CACNB4: variants seen among roughly 807,000 people sequenced by gnomAD.
CACNB4 encodes voltage-dependent L-type calcium channel subunit beta-4.
CACNB4 carries 32 observed loss-of-function variants against 71.2 expected under a neutral mutation model. The ratio of observed to expected loss-of-function variants is 0.45; its 90% CI spans 0.34 to 0.60. The LOEUF is 0.60. Among genes scored for constraint, CACNB4 ranks in the 20% least tolerant of loss-of-function variants. CACNB4 has a pLI of 0.01. For synonymous variants in CACNB4, 231 were observed against 236.9 expected (o/e 0.97, Z 0.23); for missense variants, 464 against 647.9 (o/e 0.72, Z 3.08).
At chr2:151,926,329 T>A (rs2099860255) in intron 2 of CACNB4, among the ~76,000 whole-genome samples, 1 of 152,072 alleles carries the variant, frequency 6.6e-6, no homozygotes, top group Non-Finnish European at 1.5e-5. Flanking sequence ...ATACTGCTCA[T>A]AAGGCAAGCA....
rs1396158308 is a variant in CACNB4, at chr2:151,833,518, G to A, written c.*5601C>T. ...TATTGAAAGAGAAGAAATAAGAGGAGAAAATATGGTATGAGTGTTATCACA... is the reference window on the plus strand; with the variant it reads ...TATTGAAAGAGAAGAAATAAGAGGAAAAAATATGGTATGAGTGTTATCACA... On this transcript the variant is annotated 3_prime_UTR_variant, in exon 14 of 14. Transcript: ENST00000539935. 6.6e-6 allele frequency: 1 copy of A among 152,006 alleles called. No individual in the cohort carries two copies. The highest frequency in any genetic ancestry group is 1.5e-5 in the Non-Finnish European group (1 of 67,926). 9.4% of individuals were successfully genotyped at this position (152,006 alleles called of 1,614,324 possible). A position where few individuals can be genotyped will look rare whatever the true frequency, so the allele number is the denominator to read the frequency against.
chr2:152,074,068 G>T (rs1422302435), intron 2 of CACNB4, among the ~76,000 whole-genome samples: 1 of 152,052 alleles, frequency 6.6e-6, no homozygotes, highest in South Asian at 2.1e-4. Flanking sequence ...AAGGCAGGCA[G>T]GCAGGGGAGG....
At chr2:152,052,458 T>A (rs1685490265) in intron 2 of CACNB4, among the ~76,000 whole-genome samples, 1 of 152,074 alleles carries the variant, frequency 6.6e-6, no homozygotes, top group African/African-American at 2.4e-5. Context: ...CATTCCTGAC[T>A]AATTTTCGTA....
intron 5 of CACNB4, chr2:151,874,958 T>C (rs1578571991): frequency 2.5e-6 from 1 of 399,284 alleles, no homozygotes; most frequent in Admixed American, 4.4e-5. Flanking sequence ...AGACAAGAGA[T>C]GCCACAAAAA....
intron 2 of CACNB4, among the ~76,000 whole-genome samples, chr2:152,088,806 G>C (rs1244883414): frequency 6.6e-6 from 1 of 152,198 alleles, no homozygotes; most frequent in Non-Finnish European, 1.5e-5. Flanking sequence ...ACACGTTAAA[G>C]AAAATAGGGA....
intron 2 of CACNB4, among the ~76,000 whole-genome samples, chr2:151,910,424 T>C (rs1282075957): frequency 6.6e-6 from 1 of 152,222 alleles, no homozygotes; most frequent in African/African-American, 2.4e-5. Context: ...TCTAGGGTTT[T>C]TATGGTTTTG....
chr2:151,905,694 A>G (rs2099854628), intron 2 of CACNB4, among the ~76,000 whole-genome samples: 1 of 152,244 alleles, frequency 6.6e-6, no homozygotes, highest in Non-Finnish European at 1.5e-5. Context: ...AGAAAACATG[A>G]CATGTAAGGC....
At chr2:151,875,526 GTGGTGGC>G (rs2099845804) in intron 5 of CACNB4, among the ~76,000 whole-genome samples, 2 of 151,654 alleles carry the variant, frequency 1.3e-5, no homozygotes, top group African/African-American at 4.9e-5. Context: ...CCCAGACGGG[GTGGTGGC>G]CGGGCAGAGG....
At chr2:151,857,195 A>G (rs986121579) in intron 10 of CACNB4, 4 of 152,212 alleles carry the variant, frequency 2.6e-5, no homozygotes, top group African/African-American at 9.7e-5. Flanking sequence ...AATACTCAAG[A>G]CTATCATGAA....
intron 2 of CACNB4, among the ~76,000 whole-genome samples, chr2:152,068,971 A>C (rs1345415361): frequency 6.6e-6 from 1 of 152,152 alleles, no homozygotes; most frequent in Non-Finnish European, 1.5e-5. Flanking sequence ...CTTCACACTG[A>C]GGCGGTGACC....
intron 3 of CACNB4, 108 bp downstream of exon 3, chr2:151,883,143 A>G (rs2099848399): frequency 1.7e-6 from 2 of 1,169,536 alleles, no homozygotes; most frequent in Non-Finnish European, 2.5e-6. Flanking sequence ...GAGCCTTGTT[A>G]GAATAATCAC....
At chr2:151,944,269 G>C (rs914630180) in intron 2 of CACNB4, among the ~76,000 whole-genome samples, 1 of 151,916 alleles carries the variant, frequency 6.6e-6, no homozygotes, top group African/African-American at 2.4e-5. Flanking sequence ...CAAATTCCTG[G>C]CCTCAAGTGA....
chr2:152,075,368 A>T (rs1276910553), intron 2 of CACNB4, among the ~76,000 whole-genome samples: 2 of 152,224 alleles, frequency 1.3e-5, no homozygotes. Flanking sequence ...ACCTGTAAAC[A>T]TATCACTGCA....
At chr2:151,999,547 A>G (rs1012011042) in intron 2 of CACNB4, among the ~76,000 whole-genome samples, 6 of 152,066 alleles carry the variant, frequency 3.9e-5, no homozygotes, top group South Asian at 4.1e-4. Context: ...AATTTACCCA[A>G]CGGAAATTTG....
At chr2:151,934,597 G>A (rs916986122) in intron 2 of CACNB4, among the ~76,000 whole-genome samples, 2 of 152,170 alleles carry the variant, frequency 1.3e-5, no homozygotes, top group East Asian at 3.8e-4. Context: ...CCGGCACTTT[G>A]GGAGGCCGAG....
intron 2 of CACNB4, among the ~76,000 whole-genome samples, chr2:151,966,257 T>C (rs1466804359): frequency 1.8e-5 from 2 of 109,326 alleles, no homozygotes; most frequent in African/African-American, 5.2e-5. Flanking sequence ...ACTCCCAGCG[T>C]TCTTTCTTTC....
chr2:152,031,109 T>C (rs1270448680), intron 2 of CACNB4, among the ~76,000 whole-genome samples: 1 of 152,084 alleles, frequency 6.6e-6, no homozygotes, highest in Non-Finnish European at 1.5e-5. Flanking sequence ...CAGAGAAACT[T>C]CCTTCCAGAA....
intron 2 of CACNB4, among the ~76,000 whole-genome samples, chr2:151,891,063 C>T (rs1179944057): frequency 2.0e-5 from 3 of 152,120 alleles, no homozygotes; most frequent in Non-Finnish European, 4.4e-5. Context: ...TGAATAATCT[C>T]ATAAATGGAA....
intron 12 of CACNB4, chr2:151,853,217 G>C (rs2099839490): frequency 2.3e-6 from 1 of 440,764 alleles, no homozygotes; most frequent in Non-Finnish European, 4.0e-6. Context: ...GCAGTGAGAA[G>C]AACAGACCCC....
Sources: gnomAD v4.1 joint callset for allele counts (sites outside exome capture counted in the v4.1 genomes callset) on GRCh38, gnomAD v4.1.1 for gene constraint, MANE v1.5 for transcripts, NCBI Gene and HGNC (gene_info 2026-07-23, HGNC 2026-07-21) for gene names.